PRR12: variants seen among roughly 807,000 people sequenced by gnomAD.
The protein encoded by PRR12 is proline rich 12, also known as proline-rich protein 12.
In PRR12, 12 loss-of-function variants were observed where a neutral mutation model predicts 138.0. The observed-to-expected ratio is 0.09, with a 90% CI of 0.06 to 0.14. The LOEUF (loss-of-function observed/expected upper bound fraction) is 0.14. PRR12 is among the 10% of genes least tolerant of loss of function. The probability of loss-of-function intolerance (pLI) is 1.00; values close to 1 mark genes in which losing one functional copy is unlikely to be tolerated. For synonymous variants in PRR12, 1,567 were observed against 1,291.7 expected (o/e 1.21, Z -4.57); for missense variants, 2,692 against 2,861.3 (o/e 0.94, Z 1.35).
intron 5 of PRR12, among the ~76,000 whole-genome samples, 168 bp from the exon 6 acceptor site, chr19:49,601,323 G>A (rs1254752040): frequency 6.6e-6 from 1 of 152,156 alleles, no homozygotes; most frequent in Non-Finnish European, 1.5e-5. Context: ...GCAGCCGCAG[G>A]AGCCAGAGTA....
intron 9 of PRR12, among the ~76,000 whole-genome samples, chr19:49,618,200 G>A (rs1393789537): frequency 6.6e-6 from 1 of 151,974 alleles, no homozygotes; most frequent in African/African-American, 2.4e-5. Flanking sequence ...CCTTGTTGCT[G>A]GGGTCATGAC....
Position 49,597,353 on chromosome 19 carries a change from G to C in PRR12, c.3018G>C (p.Pro1006=), listed in dbSNP as rs1029184042. The change falls in exon 4 of 14, where the codon CCG becomes CCC. Residue 1006 remains proline (P), a synonymous_variant. Coordinates refer to ENST00000418929, the MANE Select transcript of PRR12 (RefSeq NM_020719.3). The surrounding 1 kb of genome is among the most constrained non-coding windows in gnomAD (Gnocchi z 6.3). ...GRASGAGPET[P]GLGLDPNKPP... is the part of the protein sequence containing the mutation. Reference sequence around the variant, plus strand: ...CGTCGGGAGCCGGGCCCGAGACACCGGGCCTGGGCCTGGACCCCAACAAAC... The same window carrying C: ...CGTCGGGAGCCGGGCCCGAGACACCCGGCCTGGGCCTGGACCCCAACAAAC... The C allele has an allele frequency of 6.5e-7, 1 of 1,539,012 alleles. No homozygotes were observed. Among genetic ancestry groups the C allele is most frequent in the South Asian group, 1.2e-5 (1 of 84,078 alleles).
chr19:49,609,979 C>CTT, intron 6 of PRR12, among the ~76,000 whole-genome samples: 1 of 146,264 alleles, frequency 6.8e-6, no homozygotes, highest in East Asian at 2.0e-4. Flanking sequence ...CTTTTTCTTT[C>CTT]TTTTTTTTTT....
chr19:49,591,395 T>A lies in PRR12; in HGVS notation c.-260T>A, dbSNP rs1344202866. Among the ~76,000 whole-genome samples the A allele has an allele frequency of 8.1e-6, 1 of 123,990 alleles. No individual in the cohort carries two copies. Among genetic ancestry groups the A allele is most frequent in the Non-Finnish European group, 1.7e-5 (1 of 57,372 alleles). The allele number at this position is 123,990 out of a possible 152,430, so 81.3% of individuals were successfully genotyped here. A position where few individuals can be genotyped will look rare whatever the true frequency, so the allele number is the denominator to read the frequency against. Reference sequence around the variant, plus strand: ...GCGGGGTCCCTCCTCCCCCCTTCCCTCCTCTAGGGGGAACCCCCCTTCCCC... The same window carrying A: ...GCGGGGTCCCTCCTCCCCCCTTCCCACCTCTAGGGGGAACCCCCCTTCCCC... On this transcript the variant is annotated 5_prime_UTR_variant, in exon 1 of 14. Transcript: ENST00000418929.
chr19:49,619,769 C>T (rs914150596), intron 9 of PRR12, among the ~76,000 whole-genome samples: 23 of 150,886 alleles, frequency 1.5e-4, no homozygotes, highest in African/African-American at 4.4e-4. Flanking sequence ...CTCCAATTCC[C>T]GACCTCAGGT....
In PRR12 at chr19:49,594,856, C is replaced by A. The variant is rs556486195; in HGVS notation, c.521C>A (p.Pro174Gln). Residue 174 changes from proline to glutamine, a missense_variant, in exon 4 of 14, where the codon CCA becomes CAA. Around this residue, in one of 11 missense-constraint regions of PRR12, gnomAD observed 211 missense variants for 266.3 expected, o/e 0.79. Coordinates refer to ENST00000418929, the MANE Select transcript of PRR12 (RefSeq NM_020719.3). This position sits in a 1 kb window ranked among gnomAD's most constrained non-coding sequence, Gnocchi z 5.6. ...TCGTCCCTCAGCCTCCAGGACCCCC[C>A]ATTCAGCCCTCCAGCTAACGGGCTC... ...VPSSLSLQDP[P>Q]FSPPANGLLS... is the part of the protein sequence containing the mutation. The A allele has an allele frequency of 1.2e-6, 2 of 1,611,642 alleles. No individual in the cohort carries two copies. The highest frequency in any genetic ancestry group is 2.2e-5 in the South Asian group (2 of 90,664).
rs183196519 is a variant in PRR12, at chr19:49,617,759, G to A, written c.5497+1540G>A. Reference sequence around the variant, plus strand: ...AGATTAGAATTAGCGAGTCAAATGAGGAAGGCGGAATTGTCTTTCCATCAA... The same window carrying A: ...AGATTAGAATTAGCGAGTCAAATGAAGAAGGCGGAATTGTCTTTCCATCAA... On this transcript the variant is annotated intron_variant, in intron 9 of 13. Transcript: ENST00000418929. Among the ~76,000 whole-genome samples, 326 of 152,286 alleles carry A rather than the reference G, an allele frequency of 2.1e-3. 3 individuals are homozygous for A. Among genetic ancestry groups the A allele is most frequent in the East Asian group, 1.3e-3 (7 of 5,192 alleles).
intron 6 of PRR12, among the ~76,000 whole-genome samples, chr19:49,613,429 C>T (rs971689678): frequency 1.3e-5 from 2 of 151,700 alleles, no homozygotes; most frequent in African/African-American, 4.8e-5. Flanking sequence ...ACTATTATTT[C>T]TTGTGTCCAT....
chr19:49,618,164 C>T (rs2080902603), intron 9 of PRR12, among the ~76,000 whole-genome samples: 1 of 151,934 alleles, frequency 6.6e-6, no homozygotes. Flanking sequence ...TCCCAGTTTC[C>T]TTCTCTCTTG....
In PRR12 at chr19:49,599,114, T is replaced by G. The variant is rs2080794560; in HGVS notation, c.3679-158T>G. 6.6e-6 allele frequency among the ~76,000 whole-genome samples: 1 copy of G among 152,140 alleles called. No homozygotes were observed. Among genetic ancestry groups the G allele is most frequent in the African/African-American group, 2.4e-5 (1 of 41,438 alleles). ...TGGTCTTCTGAGGGAGGAACTCCAG[T>G]CTTGTCCTCCTAGAATCTAAGACAA... On this transcript the variant is annotated intron_variant, in intron 4 of 13. Transcript: ENST00000418929. This position sits in a 1 kb window ranked among gnomAD's most constrained non-coding sequence, Gnocchi z 5.0.
At position 49,625,634 on chromosome 19, in the gene PRR12, C is replaced by G. The variant is rs376483714; in HGVS notation, c.*27C>G. 1 of 1,577,326 alleles carries G rather than the reference C, an allele frequency of 6.3e-7. No homozygotes were observed. Among genetic ancestry groups the G allele is most frequent in the East Asian group, 2.3e-5 (1 of 44,370 alleles). ...CCCGCCCCAGCTTGTGAGGGGGGCG[C>G]CTCCTCCATGAACCGAGAATTGGGA... On this transcript the variant is annotated 3_prime_UTR_variant, in exon 14 of 14. Coordinates refer to ENST00000418929, the MANE Select transcript of PRR12 (RefSeq NM_020719.3). The surrounding 1 kb of genome is among the most constrained non-coding windows in gnomAD (Gnocchi z 5.5).
chr19:49,600,034 A>G, intron 5 of PRR12, 96 bp downstream of exon 5: 1 of 1,261,928 alleles, frequency 7.9e-7, no homozygotes, highest in Non-Finnish European at 1.1e-6. Context: ...AAGAGACACC[A>G]TTCACATACA....
Position 49,595,940 on chromosome 19 carries a change from C to T in PRR12, c.1605C>T (p.Thr535=), listed in dbSNP as rs745834326. 2.0e-5 allele frequency: 32 copies of T among 1,601,270 alleles called. No individual in the cohort carries two copies. Among genetic ancestry groups the T allele is most frequent in the Middle Eastern group, 1.6e-4 (1 of 6,082 alleles). Residue 535 remains threonine (T), a synonymous_variant, in exon 4 of 14, where the codon ACC becomes ACT. Transcript: ENST00000418929. ...PTASPSLSYS[T]GHSPALSGHG... ...CCAGCCCCTCGCTCAGCTACAGTAC[C>T]GGCCATTCCCCAGCGCTCTCGGGCC...
At position 49,595,080 on chromosome 19, in the gene PRR12, G is replaced by T; in HGVS notation, c.745G>T (p.Ala249Ser). Residue 249 changes from alanine (A) to serine (S), a missense_variant, in exon 4 of 14, where the codon GCT becomes TCT. Around this residue, in one of 11 missense-constraint regions of PRR12, gnomAD observed 523 missense variants for 496.4 expected, o/e 1.05. Coordinates refer to ENST00000418929, the MANE Select transcript of PRR12 (RefSeq NM_020719.3). Reference protein sequence around the residue: ...RHLPTQFNLLASSSAAAAAAE... With the variant: ...RHLPTQFNLLSSSSAAAAAAE... ...CCTCCCAACTCAGTTCAACCTGCTG[G>T]CTTCCTCTTCCGCTGCCGCCGCCGC... is the stretch of plus-strand genomic sequence containing the variant. 3 of 1,611,688 alleles carry T rather than the reference G, an allele frequency of 1.9e-6. No individual in the cohort carries two copies. Among genetic ancestry groups the T allele is most frequent in the Non-Finnish European group, 2.5e-6 (3 of 1,179,624 alleles).
chr19:49,615,365 C>CA (rs1471384828), intron 8 of PRR12, among the ~76,000 whole-genome samples: 5 of 150,168 alleles, frequency 3.3e-5, no homozygotes, highest in Non-Finnish European at 7.4e-5. Context: ...GACAGGGAGA[C>CA]AGAGACCCAG....
chr19:49,608,067 T>TG (rs1363150935), intron 6 of PRR12, among the ~76,000 whole-genome samples: 1 of 152,146 alleles, frequency 6.6e-6, no homozygotes, highest in African/African-American at 2.4e-5. Flanking sequence ...TATTATTAAA[T>TG]GGGGTATTAC....
chr19:49,591,375 G>T lies in PRR12; in HGVS notation c.-280G>T, dbSNP rs1156237312. ...CCGGGGCAAAGGCGGAGACAGCGGGGTCCCTCCTCCCCCCTTCCCTCCTCT... is the reference window on the plus strand; with the variant it reads ...CCGGGGCAAAGGCGGAGACAGCGGGTTCCCTCCTCCCCCCTTCCCTCCTCT... On this transcript the variant is annotated 5_prime_UTR_variant, in exon 1 of 14. Transcript: ENST00000418929. Among the ~76,000 whole-genome samples, 2 of 148,940 alleles carry T rather than the reference G, an allele frequency of 1.3e-5. No individual in the cohort carries two copies. Among genetic ancestry groups the T allele is most frequent in the East Asian group, 4.0e-4 (2 of 4,948 alleles).
rs758139786 is a variant in PRR12, at chr19:49,595,570, C to G, written c.1235C>G (p.Thr412Ser). Residue 412 changes from threonine to serine, a missense_variant, in exon 4 of 14, where the codon ACC becomes AGC. Around this residue, in one of 11 missense-constraint regions of PRR12, gnomAD observed 523 missense variants for 496.4 expected, o/e 1.05. Transcript: ENST00000418929. ...GATRPPPPRSTATPKCQSLGG... is the reference protein window; with the variant it reads ...GATRPPPPRSSATPKCQSLGG... ...ACCAGGCCCCCCCCACCCCGTTCGA[C>G]CGCCACCCCCAAATGTCAGAGCCTG... is the stretch of plus-strand genomic sequence containing the variant. 6.3e-7 allele frequency: 1 copy of G among 1,598,120 alleles called. No individual in the cohort carries two copies. The highest frequency in any genetic ancestry group is 1.3e-5 in the African/African-American group (1 of 74,626).
chr19:49,602,670 G>T (rs1326499616), intron 6 of PRR12, among the ~76,000 whole-genome samples: 1 of 152,072 alleles, frequency 6.6e-6, no homozygotes, highest in Non-Finnish European at 1.5e-5. Context: ...TCTTGACTTG[G>T]CCTCCCAACT....
Sources: allele counts gnomAD v4.1 joint callset (sites outside exome capture counted in the v4.1 genomes callset), GRCh38; gene constraint gnomAD v4.1.1; regional missense constraint gnomAD v4.1.1; non-coding constraint Gnocchi (gnomAD v3.1); transcripts MANE v1.5; gene names NCBI Gene and HGNC (gene_info 2026-07-23, HGNC 2026-07-21).